The following ZNF362 variants were observed in gnomAD, a reference collection of about 807,000 sequenced individuals.
The protein encoded by ZNF362 is zinc finger protein 362, also known as rotund homolog.
Under a neutral mutation model 42.9 loss-of-function variants are expected in ZNF362, and 11 were observed. That is an observed-to-expected ratio of 0.26 (90% CI 0.16 to 0.42). ZNF362 has a LOEUF of 0.42. Ranked by LOEUF, ZNF362 falls within the 20% of genes least tolerant of loss-of-function variation. The pLI, the probability that ZNF362 is intolerant of heterozygous loss-of-function variation, is 1.00. For missense variants in ZNF362, 362 were observed against 576.2 expected (o/e 0.63, Z 3.81); for synonymous variants, 255 against 257.3 (o/e 0.99, Z 0.09).
chr1:33,146,581 C>T, the ZNF362 span: 22 of 161,050 alleles, frequency 1.4e-4, no homozygotes, highest in South Asian at 3.8e-3. Flanking sequence ...TTCCACAGGC[C>T]ACAGCATCAT....
intron 6 of ZNF362, among the ~76,000 whole-genome samples, chr1:33,289,597 C>T (rs2148128200): frequency 6.6e-6 from 1 of 152,336 alleles, no homozygotes; most frequent in South Asian, 2.1e-4. Context: ...AGTCAGTGAG[C>T]AAACCCTCAT....
chr1:33,188,510 A>T, the ZNF362 span, among the ~76,000 whole-genome samples: 1 of 152,182 alleles, frequency 6.6e-6, no homozygotes, highest in South Asian at 2.1e-4. Context: ...GCAAATCTGT[A>T]TCAGTCCCAT....
chr1:33,218,978 C>CACACACACATAT, the ZNF362 span, among the ~76,000 whole-genome samples: 3 of 134,448 alleles, frequency 2.2e-5, no homozygotes, highest in South Asian at 2.5e-4. Context: ...CACACACACA[C>CACACACACATAT]ACATACACCA....
chr1:33,186,069 A>G, the ZNF362 span, among the ~76,000 whole-genome samples: 1 of 152,144 alleles, frequency 6.6e-6, no homozygotes, highest in African/African-American at 2.4e-5. Context: ...ACCTACTTCT[A>G]AAATTTATTT....
Position 33,281,951 on chromosome 1 carries a change from A to C in ZNF362, c.908+140A>C, listed in dbSNP as rs1645997742. The C allele has an allele frequency of 1.4e-5, 11 of 775,706 alleles. No individual in the cohort carries two copies. In the South Asian group the frequency reaches 1.7e-4, roughly 12 times the overall value. The allele number at this position is 775,706 out of a possible 1,614,324, so 48.1% of individuals were successfully genotyped here. On this transcript the variant is annotated intron_variant, in intron 6 of 8. Transcript: ENST00000539719. This position sits in a 1 kb window ranked among gnomAD's most constrained non-coding sequence, Gnocchi z 4.8. ...CGGGGTCACGGCCCTTGTGGACCTC[A>C]CTGGCCTCAGCTGTTGTTACTGCAC...
At chr1:33,171,273 C>A in the ZNF362 span, among the ~76,000 whole-genome samples, 1 of 152,242 alleles carries the variant, frequency 6.6e-6, no homozygotes, top group African/African-American at 2.4e-5. Flanking sequence ...GGCAGAGACC[C>A]AGGACCAGAG....
At position 33,299,153 on chromosome 1, in the gene ZNF362, A is replaced by C; in HGVS notation, c.*107A>C. 279 of 809,620 alleles carry C rather than the reference A, an allele frequency of 3.4e-4. No individual in the cohort carries two copies. Among genetic ancestry groups the C allele is most frequent in the Non-Finnish European group, 5.0e-4 (249 of 494,802 alleles). The allele number at this position is 809,620 out of a possible 1,614,324, so 50.2% of individuals were successfully genotyped here. A position where few individuals can be genotyped will look rare whatever the true frequency, so the allele number is the denominator to read the frequency against. On this transcript the variant is annotated 3_prime_UTR_variant, in exon 9 of 9. Coordinates refer to ENST00000539719, the MANE Select transcript of ZNF362 (RefSeq NM_152493.3). Reference sequence around the variant, plus strand: ...CCTCCAGGAACCACCAAGCTCTCTCACGACCTTCCCAATCTTCCAGAAAGC... The same window carrying C: ...CCTCCAGGAACCACCAAGCTCTCTCCCGACCTTCCCAATCTTCCAGAAAGC...
chr1:33,205,431 G>A, the ZNF362 span, among the ~76,000 whole-genome samples: 1 of 151,986 alleles, frequency 6.6e-6, no homozygotes. Flanking sequence ...GCTGCACTGA[G>A]CTATGATTGC....
chr1:33,231,824 G>A, the ZNF362 span, among the ~76,000 whole-genome samples: 4 of 152,282 alleles, frequency 2.6e-5, no homozygotes, highest in East Asian at 7.7e-4. Context: ...AGCTCCCTCA[G>A]CCCTACTAAG....
At chr1:33,152,238 C>T in the ZNF362 span, among the ~76,000 whole-genome samples, 3 of 152,228 alleles carry the variant, frequency 2.0e-5, no homozygotes, top group Admixed American at 1.3e-4. Context: ...ACATCATGCT[C>T]TTCCCAGCAT....
intron 1 of ZNF362, among the ~76,000 whole-genome samples, chr1:33,260,647 G>T (rs145521314): frequency 6.6e-6 from 1 of 152,316 alleles, no homozygotes; most frequent in Non-Finnish European, 1.5e-5. Context: ...AGCGCCATGC[G>T]TGTGAGTGAG....
At chr1:33,161,167 A>C in the ZNF362 span, among the ~76,000 whole-genome samples, 16 of 152,244 alleles carry the variant, frequency 1.1e-4, no homozygotes, top group African/African-American at 3.9e-4. The surrounding 1 kb of genome is among the most constrained non-coding windows in gnomAD (Gnocchi z 4.3). Flanking sequence ...AGGCGCAGAG[A>C]AAGAGCCTGG....
intron 6 of ZNF362, among the ~76,000 whole-genome samples, chr1:33,289,186 G>A (rs1439254475): frequency 6.6e-6 from 1 of 152,180 alleles, no homozygotes; most frequent in African/African-American, 2.4e-5. Flanking sequence ...GAGGAAGAAC[G>A]ACATGAGCAA....
chr1:33,273,192 G>T (rs565050245), intron 2 of ZNF362, among the ~76,000 whole-genome samples: 1 of 152,370 alleles, frequency 6.6e-6, no homozygotes, highest in South Asian at 2.1e-4. Context: ...CTCAGGAAAT[G>T]TTTGGCCCCT....
At chr1:33,279,216 G>A (rs904190831) in intron 4 of ZNF362, among the ~76,000 whole-genome samples, 4 of 151,996 alleles carry the variant, frequency 2.6e-5, no homozygotes, top group Non-Finnish European at 5.9e-5. Flanking sequence ...GTAGAGACAG[G>A]GTTTTGCCAC....
Position 33,280,046 on chromosome 1 carries a change from A to T in ZNF362, c.350-78A>T, listed in dbSNP as rs1384185301. ...CGTTAAGGGGATGCTCGCCTGCCAAAATCACATAGCTGGGTGGGCAGCTGA... is the reference window on the plus strand; with the variant it reads ...CGTTAAGGGGATGCTCGCCTGCCAATATCACATAGCTGGGTGGGCAGCTGA... On this transcript the variant is annotated intron_variant, in intron 4 of 8. Transcript: ENST00000539719. This position sits in a 1 kb window ranked among gnomAD's most constrained non-coding sequence, Gnocchi z 5.6. The T allele has an allele frequency of 6.7e-7, 1 of 1,485,504 alleles. No homozygotes were observed. The highest frequency in any genetic ancestry group is 2.3e-5 in the East Asian group (1 of 43,046). The allele number at this position is 1,485,504 out of a possible 1,614,324, so 92.0% of individuals were successfully genotyped here.
At chr1:33,170,527 G>A in the ZNF362 span, among the ~76,000 whole-genome samples, 1 of 152,040 alleles carries the variant, frequency 6.6e-6, no homozygotes, top group Admixed American at 6.6e-5. Flanking sequence ...TCTTCAGGAT[G>A]TCCCTGCCCA....
At chr1:33,143,524 TCAGA>T in the ZNF362 span, among the ~76,000 whole-genome samples, 3 of 152,096 alleles carry the variant, frequency 2.0e-5, no homozygotes, top group African/African-American at 7.2e-5. Flanking sequence ...CTGCTCTCCA[TCAGA>T]CAATCAGAGA....
rs1646146972 is a variant in ZNF362 at position 33,299,132 on chromosome 1, C to T, written c.*86C>T. ...GCCCCAGCTCCCTCCGGGGGCCCTC[C>T]AGGAACCACCAAGCTCTCTCACGAC... On this transcript the variant is annotated 3_prime_UTR_variant, in exon 9 of 9. Transcript: ENST00000539719. 1.0e-6 allele frequency: 1 copy of T among 980,486 alleles called. No homozygotes were observed. Among genetic ancestry groups the T allele is most frequent in the Non-Finnish European group, 1.6e-6 (1 of 631,678 alleles). 60.7% of individuals were successfully genotyped at this position (980,486 alleles called of 1,614,324 possible). A position where few individuals can be genotyped will look rare whatever the true frequency, so the allele number is the denominator to read the frequency against.
Sources: gnomAD v4.1 joint callset for allele counts (sites outside exome capture counted in the v4.1 genomes callset) on GRCh38, gnomAD v4.1.1 for gene constraint, Gnocchi (gnomAD v3.1) non-coding constraint, MANE v1.5 for transcripts, NCBI Gene and HGNC (gene_info 2026-07-23, HGNC 2026-07-21) for gene names.